The following CRACR2A variants were observed in gnomAD, a reference collection of about 807,000 sequenced individuals.
CRACR2A encodes the protein EF-hand calcium-binding domain-containing protein 4B.
In CRACR2A, 79 loss-of-function variants were observed where a neutral mutation model predicts 90.5. The ratio of observed to expected loss-of-function variants is 0.87; its 90% CI spans 0.73 to 1.05. The LOEUF (loss-of-function observed/expected upper bound fraction) is 1.05, where lower values mean the gene tolerates loss of function less well. Among genes scored for constraint, CRACR2A ranks in the 50% least tolerant of loss-of-function variants. The pLI is 0.00. For synonymous variants in CRACR2A, 338 were observed against 356.7 expected, an observed-to-expected ratio of 0.95 and a Z score of 0.59; for missense variants, 823 against 897.2, an observed-to-expected ratio of 0.92 and a Z score of 1.06.
intron 7 of CRACR2A, among the ~76,000 whole-genome samples, 197 bp from the exon 8 acceptor site, chr12:3,659,851 G>T (rs1944995788): frequency 6.6e-6 from 1 of 152,162 alleles, no homozygotes. Context: ...CAGAGGCCTT[G>T]CGAGACCTGC....
At position 3,654,303 on chromosome 12, in the gene CRACR2A, G is replaced by T. The variant is rs140276613; in HGVS notation, c.955C>A (p.Leu319Met). Residue 319 changes from leucine (L) to methionine (M), a missense_variant, in exon 10 of 20, where the codon CTG becomes ATG. Leu to Met is a conservative substitution (Grantham distance 15). Transcript: ENST00000440314. ...TGGAGCTCCCAGGAAGTCCGCTCCA[G>T]CTCCCGGGCCAGCTCCTGGTTAGTG... ...KLTNQELARELERTSWELQDA... is the reference protein window; with the variant it reads ...KLTNQELAREMERTSWELQDA... The T allele has an allele frequency of 7.4e-6, 12 of 1,613,872 alleles. No individual in the cohort carries two copies. The highest frequency in any genetic ancestry group is 6.7e-5 in the East Asian group (3 of 44,884).
chr12:3,627,551 C>G lies in CRACR2A; in HGVS notation c.1818-1G>C. 1 of 1,551,696 alleles carries G rather than the reference C, an allele frequency of 6.4e-7. No individual in the cohort carries two copies. The highest frequency in any genetic ancestry group is 1.4e-5 in the African/African-American group (1 of 73,180). On this transcript the variant is annotated splice_acceptor_variant, in intron 16 of 19. Transcript: ENST00000440314. LOFTEE classifies it high-confidence loss of function. ...GAACTGCTGGGTGATGCACCGGTAC[C>G]TGCCACAGAAGGGCCACGGGTCAGG...
chr12:3,633,760 C>G lies in CRACR2A; in HGVS notation c.1603-24G>C, dbSNP rs1402948967. On this transcript the variant is annotated intron_variant, in intron 14 of 19. Coordinates refer to ENST00000440314, the MANE Select transcript of CRACR2A (RefSeq NM_001144958.2). The surrounding 1 kb of genome is among the most constrained non-coding windows in gnomAD (Gnocchi z 4.5). Reference sequence around the variant, plus strand: ...TCCTGTGGATGGCACACAATCTGACCAACTGCAGGGAATAGTCTTGCCAGC... The same window carrying G: ...TCCTGTGGATGGCACACAATCTGACGAACTGCAGGGAATAGTCTTGCCAGC... 6.4e-7 allele frequency: 1 copy of G among 1,551,378 alleles called. No homozygotes were observed. Among genetic ancestry groups the G allele is most frequent in the Non-Finnish European group, 8.7e-7 (1 of 1,146,946 alleles).
intron 10 of CRACR2A, among the ~76,000 whole-genome samples, chr12:3,652,793 T>C (rs1405642135): frequency 7.1e-6 from 1 of 140,868 alleles, no homozygotes; most frequent in Non-Finnish European, 1.5e-5. Flanking sequence ...AATGAATGAA[T>C]GAAGAGTGCA....
chr12:3,677,038 C>T (rs959530201), intron 6 of CRACR2A, among the ~76,000 whole-genome samples: 2 of 152,142 alleles, frequency 1.3e-5, no homozygotes, highest in African/African-American at 2.4e-5. Flanking sequence ...GCTGCCAAAT[C>T]GCTTAGCCAA....
At chr12:3,675,734 C>CA (rs1024237997) in intron 6 of CRACR2A, among the ~76,000 whole-genome samples, 1 of 152,144 alleles carries the variant, frequency 6.6e-6, no homozygotes, top group Non-Finnish European at 1.5e-5. Flanking sequence ...ACAAAAACCA[C>CA]AAAAACAGAA....
chr12:3,649,269 A>T (rs369041632), intron 10 of CRACR2A, among the ~76,000 whole-genome samples: 22 of 110,816 alleles, frequency 2.0e-4, no homozygotes, highest in African/African-American at 8.8e-4. Context: ...AATAAATAAA[A>T]AAGAGTTTGT....
At chr12:3,663,288 T>G (rs1286277176) in intron 7 of CRACR2A, among the ~76,000 whole-genome samples, 1 of 151,920 alleles carries the variant, frequency 6.6e-6, no homozygotes, top group Non-Finnish European at 1.5e-5. Flanking sequence ...AACTTCAGAT[T>G]TGGAAGGTTT....
chr12:3,717,213 C>G (rs1246492448), intron 2 of CRACR2A, among the ~76,000 whole-genome samples: 5 of 152,176 alleles, frequency 3.3e-5, no homozygotes, highest in Admixed American at 1.3e-4. Context: ...CTTCCAGATG[C>G]TAGAGGCTGG....
At chr12:3,626,685 G>A (rs1477226794) in intron 17 of CRACR2A, among the ~76,000 whole-genome samples, 1 of 152,220 alleles carries the variant, frequency 6.6e-6, no homozygotes, top group African/African-American at 2.4e-5. Flanking sequence ...GGAATCAGCC[G>A]AGGCCTGGCA....
chr12:3,644,416 C>T (rs1288833971), intron 12 of CRACR2A, among the ~76,000 whole-genome samples, 179 bp downstream of exon 12: 1 of 152,176 alleles, frequency 6.6e-6, no homozygotes, highest in Non-Finnish European at 1.5e-5. Flanking sequence ...AAAATTAACA[C>T]GTTGTTACCC....
chr12:3,620,327 G>A (rs1183323471), intron 17 of CRACR2A, among the ~76,000 whole-genome samples: 1 of 152,248 alleles, frequency 6.6e-6, no homozygotes, highest in Non-Finnish European at 1.5e-5. Context: ...GTTATTCATT[G>A]TAGCTAAATG....
chr12:3,745,529 T>A (rs1946598535), intron 1 of CRACR2A, among the ~76,000 whole-genome samples: 1 of 151,924 alleles, frequency 6.6e-6, no homozygotes, highest in Admixed American at 6.6e-5. Flanking sequence ...ATCTCAGCAC[T>A]TTGGGAGGCC....
intron 17 of CRACR2A, among the ~76,000 whole-genome samples, chr12:3,621,054 G>C (rs1944120565): frequency 6.6e-6 from 1 of 152,224 alleles, no homozygotes; most frequent in Non-Finnish European, 1.5e-5. Context: ...GGAGGAAGCA[G>C]GGAAATGGGC....
At chr12:3,642,805 C>T (rs374113754) in intron 12 of CRACR2A, among the ~76,000 whole-genome samples, 45 of 152,312 alleles carry the variant, frequency 3.0e-4, no homozygotes, top group African/African-American at 1.1e-3. Context: ...TGACAGATGT[C>T]TTCCAGGAGA....
At position 3,633,868 on chromosome 12, in the gene CRACR2A, G is replaced by T; in HGVS notation, c.1603-132C>A. On this transcript the variant is annotated intron_variant, in intron 14 of 19. Coordinates refer to ENST00000440314, the MANE Select transcript of CRACR2A (RefSeq NM_001144958.2). The surrounding 1 kb of genome is among the most constrained non-coding windows in gnomAD (Gnocchi z 4.5). The stretch of plus-strand genomic sequence containing the variant: ...CAGACCGGCCTCTAGACCTGCACCA[G>T]GAGGCTGCCACAGCCTCAGAATGCA... The T allele has an allele frequency of 8.0e-7, 1 of 1,245,828 alleles. No individual in the cohort carries two copies. Among genetic ancestry groups the T allele is most frequent in the Non-Finnish European group, 1.1e-6 (1 of 907,836 alleles). 77.2% of individuals were successfully genotyped at this position (1,245,828 alleles called of 1,614,324 possible). A position where few individuals can be genotyped will look rare whatever the true frequency, so the allele number is the denominator to read the frequency against.
In CRACR2A at chr12:3,746,760, C is replaced by T. The variant is rs562443867; in HGVS notation, c.-387+6255G>A. ...AGGTGAGAGACTCTGCTTCTGCCTC[C>T]TGGAGAATTTCAATCCAAGACAAGC... is the stretch of plus-strand genomic sequence containing the variant. On this transcript the variant is annotated intron_variant, in intron 1 of 19. Transcript: ENST00000440314. This position sits in a 1 kb window ranked among gnomAD's most constrained non-coding sequence, Gnocchi z 4.4. Among the ~76,000 whole-genome samples, 1 of 152,326 alleles carries T rather than the reference C, an allele frequency of 6.6e-6. No homozygotes were observed. Among genetic ancestry groups the T allele is most frequent in the Admixed American group, 6.5e-5 (1 of 15,306 alleles).
chr12:3,643,856 T>TATATATAAATATATATAATATATATTA (rs1478137267), intron 12 of CRACR2A, among the ~76,000 whole-genome samples: 3 of 67,346 alleles, frequency 4.5e-5, no homozygotes, highest in African/African-American at 6.8e-5. Context: ...TATTATATAT[T>TATATATAAATATATATAATATATATTA]TATATTATAT....
At chr12:3,699,713 G>C (rs776620864) in intron 3 of CRACR2A, among the ~76,000 whole-genome samples, 1 of 152,204 alleles carries the variant, frequency 6.6e-6, no homozygotes, top group Non-Finnish European at 1.5e-5. Flanking sequence ...TAGTTCTAGA[G>C]AAGTCAGCTA....
Sources: allele counts gnomAD v4.1 joint callset (sites outside exome capture counted in the v4.1 genomes callset), GRCh38; gene constraint gnomAD v4.1.1; non-coding constraint Gnocchi (gnomAD v3.1); transcripts MANE v1.5; gene names NCBI Gene and HGNC (gene_info 2026-07-23, HGNC 2026-07-21).